NRG3: variants seen among roughly 807,000 people sequenced by gnomAD.
NRG3 encodes the protein neuregulin 3, also known as pro-neuregulin-3, membrane-bound isoform.
NRG3 carries 31 observed loss-of-function variants against 66.9 expected under a neutral mutation model. That is an observed-to-expected ratio of 0.46 (90% CI 0.35 to 0.63). The LOEUF (loss-of-function observed/expected upper bound fraction) is 0.63. Ranked by LOEUF, NRG3 falls within the 20% of genes least tolerant of loss-of-function variation. The probability of loss-of-function intolerance (pLI) is 0.00; values close to 1 mark genes in which losing one functional copy is unlikely to be tolerated. For synonymous variants in NRG3, 393 were observed against 359.4 expected, an observed-to-expected ratio of 1.09 and a Z score of -1.06; for missense variants, 910 against 878.9, an observed-to-expected ratio of 1.04 and a Z score of -0.45.
chr10:82,035,561 G>A (rs1470704191), intron 1 of NRG3, among the ~76,000 whole-genome samples: 1 of 151,924 alleles, frequency 6.6e-6, no homozygotes, highest in South Asian at 2.1e-4. Flanking sequence ...TAATATTGTG[G>A]CATTACTATT....
chr10:82,137,934 C>T (rs1408157078), intron 1 of NRG3, among the ~76,000 whole-genome samples: 1 of 152,156 alleles, frequency 6.6e-6, no homozygotes, highest in Non-Finnish European at 1.5e-5. Context: ...TTGTCCTTAA[C>T]TTGGGTAAGT....
rs567347273 is a variant in NRG3 at position 82,333,303 on chromosome 10, C to T, written c.824-25436C>T. Among the ~76,000 whole-genome samples the T allele has an allele frequency of 1.4e-4, 22 of 152,212 alleles. 1 individual carries two copies. In the South Asian group the frequency reaches 3.5e-3, roughly 24 times the overall value. ...CCGCCACACAAGGCAGAGAGTGATA[C>T]GTGTTCTACTAAGAATAGCAGTAAA... On this transcript the variant is annotated intron_variant, in intron 1 of 8. Transcript: ENST00000372141.
intron 3 of NRG3, among the ~76,000 whole-genome samples, chr10:82,802,815 G>A (rs767918615): frequency 6.6e-5 from 10 of 151,914 alleles, no homozygotes; most frequent in African/African-American, 2.4e-4. Context: ...ACCAAGCCCA[G>A]CTAATTTTCG....
At chr10:82,109,655 A>G (rs2067268195) in intron 1 of NRG3, among the ~76,000 whole-genome samples, 1 of 151,970 alleles carries the variant, frequency 6.6e-6, no homozygotes, top group African/African-American at 2.4e-5. Context: ...CATTAGCTAG[A>G]TATTTATGTT....
intron 1 of NRG3, among the ~76,000 whole-genome samples, chr10:82,267,897 C>A (rs906059981): frequency 6.6e-6 from 1 of 152,130 alleles, no homozygotes; most frequent in African/African-American, 2.4e-5. Context: ...TGAAGGGACA[C>A]CTGTCTTTTG....
At chr10:82,084,243 A>C (rs7087870) in intron 1 of NRG3, among the ~76,000 whole-genome samples, 3 of 151,918 alleles carry the variant, frequency 2.0e-5, no homozygotes, top group African/African-American at 7.3e-5. Flanking sequence ...CAAAAAAGAC[A>C]CATTTATAAT....
rs1849511779 is a variant in NRG3 at position 82,951,499 on chromosome 10, T to C, written c.1085T>C (p.Leu362Pro). The change falls in exon 5 of 9, where the codon CTG becomes CCG. Residue 362 changes from leucine (L) to proline (P), a missense_variant. Coordinates refer to ENST00000372141, the MANE Select transcript of NRG3 (RefSeq NM_001010848.4). ...GAAGAAGTTTATCAAAGGCAGGTGC[T>C]GTCAATTTCATGTATCATCTTTGGA... ...ESEEVYQRQVLSISCIIFGIV... is the reference protein window; with the variant it reads ...ESEEVYQRQVPSISCIIFGIV... The C allele has an allele frequency of 4.3e-6, 7 of 1,613,990 alleles. No individual in the cohort carries two copies. Among genetic ancestry groups the C allele is most frequent in the Non-Finnish European group, 5.9e-6 (7 of 1,179,854 alleles).
At chr10:82,753,451 G>T (rs1189320160) in intron 3 of NRG3, among the ~76,000 whole-genome samples, 2 of 151,832 alleles carry the variant, frequency 1.3e-5, no homozygotes, top group South Asian at 4.2e-4. Context: ...TTTGCATTTT[G>T]TCTTTGATTA....
rs530233588 is a variant in NRG3, at chr10:82,933,863, G to C, written c.1055-17606G>C. On this transcript the variant is annotated intron_variant, in intron 4 of 8. Transcript: ENST00000372141. ...TTTCAATATCCCATGTTCTAAAATA[G>C]AGTGTATTAACAGAAATTTTGAGAT... Among the ~76,000 whole-genome samples the C allele has an allele frequency of 4.6e-5, 7 of 152,266 alleles. No individual in the cohort carries two copies. In the East Asian group the frequency reaches 1.4e-3, roughly 29 times the overall value.
At chr10:82,880,602 A>G (rs1024271761) in intron 4 of NRG3, among the ~76,000 whole-genome samples, 6 of 152,170 alleles carry the variant, frequency 3.9e-5, no homozygotes, top group African/African-American at 1.4e-4. Context: ...TCCAAATATG[A>G]TGATATCCTA....
chr10:82,476,318 T>G (rs1334248301), intron 2 of NRG3, among the ~76,000 whole-genome samples: 2 of 152,100 alleles, frequency 1.3e-5, no homozygotes, highest in Non-Finnish European at 2.9e-5. Flanking sequence ...AAATTAAAAA[T>G]AAAACTACTT....
At chr10:82,838,781 T>C (rs1025877146) in intron 3 of NRG3, among the ~76,000 whole-genome samples, 5 of 152,262 alleles carry the variant, frequency 3.3e-5, no homozygotes, top group African/African-American at 1.2e-4. Context: ...GCTTTATAGC[T>C]GAACTCATCT....
chr10:82,307,334 G>A (rs1322752645), intron 1 of NRG3, among the ~76,000 whole-genome samples: 2 of 152,120 alleles, frequency 1.3e-5, no homozygotes, highest in Admixed American at 6.5e-5. Flanking sequence ...CATTAAGGAA[G>A]AGGAGAAAAT....
At chr10:82,491,193 GT>G (rs1843061668) in intron 2 of NRG3, among the ~76,000 whole-genome samples, 1 of 149,452 alleles carries the variant, frequency 6.7e-6, no homozygotes, top group African/African-American at 2.5e-5. Flanking sequence ...CTTTGTCCAT[GT>G]TTTACACTCT....
At chr10:82,851,869 A>G (rs1160381349) in intron 3 of NRG3, among the ~76,000 whole-genome samples, 1 of 152,238 alleles carries the variant, frequency 6.6e-6, no homozygotes, top group African/African-American at 2.4e-5. Flanking sequence ...ATGGGCAAGC[A>G]AACTAATGAC....
In NRG3 at chr10:82,216,933, A is replaced by G. The variant is rs866805311; in HGVS notation, c.824-141806A>G. ...GTTGTCTGATCTTATTCAGTATGCC[A>G]TTTGGCTTAAGAAGTTCTCATTTTG... On this transcript the variant is annotated intron_variant, in intron 1 of 8. Coordinates refer to ENST00000372141, the MANE Select transcript of NRG3 (RefSeq NM_001010848.4). 2.0e-5 allele frequency among the ~76,000 whole-genome samples: 3 copies of G among 152,144 alleles called. No homozygotes were observed. The South Asian group carries it at 6.2e-4, about 32-fold the overall frequency.
At chr10:82,709,363 T>TG (rs1406217518) in intron 2 of NRG3, among the ~76,000 whole-genome samples, 11 of 148,524 alleles carry the variant, frequency 7.4e-5, no homozygotes, top group African/African-American at 2.8e-4. Flanking sequence ...CTGGTTTTTT[T>TG]TTGTTTTTGT....
chr10:82,575,170 C>G (rs2045959218), intron 2 of NRG3, among the ~76,000 whole-genome samples: 1 of 151,494 alleles, frequency 6.6e-6, no homozygotes, highest in Non-Finnish European at 1.5e-5. Flanking sequence ...ATATGTTGTA[C>G]ACAAGAAATA....
intron 2 of NRG3, among the ~76,000 whole-genome samples, chr10:82,621,084 C>G (rs2049009996): frequency 6.6e-6 from 1 of 152,118 alleles, no homozygotes; most frequent in African/African-American, 2.4e-5. Flanking sequence ...ATGAACAAGT[C>G]TCCCAGTGTT....
Sources: allele counts gnomAD v4.1 joint callset (sites outside exome capture counted in the v4.1 genomes callset), GRCh38; gene constraint gnomAD v4.1.1; transcripts MANE v1.5; gene names NCBI Gene and HGNC (gene_info 2026-07-23, HGNC 2026-07-21).